The following SLC25A12 variants were observed in gnomAD, a reference collection of about 807,000 sequenced individuals.
SLC25A12 encodes electrogenic aspartate/glutamate antiporter SLC25A12, mitochondrial.
In SLC25A12, 32 loss-of-function variants were observed where a neutral mutation model predicts 83.3. The ratio of observed to expected loss-of-function variants is 0.38; its 90% CI spans 0.29 to 0.52. The LOEUF is 0.52. Among genes scored for constraint, SLC25A12 ranks in the 20% least tolerant of loss-of-function variants. The pLI is 0.84. For synonymous variants in SLC25A12, 267 were observed against 291.1 expected, an observed-to-expected ratio of 0.92 and a Z score of 0.84; for missense variants, 611 against 835.6, an observed-to-expected ratio of 0.73 and a Z score of 3.31.
rs184729533 is a variant in SLC25A12 at position 171,809,187 on chromosome 2, T to C, written c.1305+419A>G. On this transcript the variant is annotated intron_variant, in intron 13 of 17. Coordinates refer to ENST00000422440, the MANE Select transcript of SLC25A12 (RefSeq NM_003705.5). ...CATATGTGTGCATGTGTCTTTATAG[T>C]AGAATGATTTATAATCCTTTGGGTA... Among the ~76,000 whole-genome samples, 572 of 152,322 alleles carry C rather than the reference T, an allele frequency of 3.8e-3. 2 individuals carry two copies. Among genetic ancestry groups the C allele is most frequent in the African/African-American group, 0.013 (520 of 41,568 alleles).
chr2:171,829,241 C>A (rs1036704707), intron 8 of SLC25A12, among the ~76,000 whole-genome samples: 1 of 152,154 alleles, frequency 6.6e-6, no homozygotes, highest in Non-Finnish European at 1.5e-5. Flanking sequence ...AATTACAACA[C>A]CATCCTGCAA....
At chr2:171,799,932 T>G (rs1683675356) in intron 13 of SLC25A12, among the ~76,000 whole-genome samples, 1 of 152,222 alleles carries the variant, frequency 6.6e-6, no homozygotes, top group African/African-American at 2.4e-5. Context: ...AAAGAGGTAA[T>G]GCAGTCAGCT....
At chr2:171,818,324 C>A (rs975597219) in intron 9 of SLC25A12, among the ~76,000 whole-genome samples, 1 of 151,926 alleles carries the variant, frequency 6.6e-6, no homozygotes, top group Non-Finnish European at 1.5e-5. Flanking sequence ...TGATATTTAA[C>A]AAGGTTAATT....
At chr2:171,817,930 G>A (rs939895981) in intron 9 of SLC25A12, among the ~76,000 whole-genome samples, 1 of 152,132 alleles carries the variant, frequency 6.6e-6, no homozygotes, top group Non-Finnish European at 1.5e-5. Flanking sequence ...ATTATACTGT[G>A]CTTTAATTCT....
intron 2 of SLC25A12, among the ~76,000 whole-genome samples, chr2:171,886,841 T>C (rs1353315710): frequency 3.3e-5 from 5 of 152,232 alleles, no homozygotes; most frequent in Middle Eastern, 3.2e-3. Context: ...AATATTTTTA[T>C]TTCTCTGGGA....
intron 6 of SLC25A12, among the ~76,000 whole-genome samples, chr2:171,835,184 A>G (rs1446260918): frequency 6.6e-6 from 1 of 152,210 alleles, no homozygotes; most frequent in Non-Finnish European, 1.5e-5. Context: ...GATCTTCAAG[A>G]CCCTCAACTG....
intron 2 of SLC25A12, among the ~76,000 whole-genome samples, chr2:171,876,532 T>G (rs1014942904): frequency 1.2e-4 from 8 of 69,330 alleles, no homozygotes; most frequent in African/African-American, 1.6e-4. Flanking sequence ...GGGGTTTGGG[T>G]TTTTTTTTTT....
intron 3 of SLC25A12, among the ~76,000 whole-genome samples, chr2:171,866,361 C>T (rs1360930100): frequency 5.9e-5 from 8 of 135,124 alleles, no homozygotes; most frequent in East Asian, 2.5e-4. Flanking sequence ...ACCTCCCAGA[C>T]GGGGTGGTGG....
At chr2:171,836,981 C>T (rs1470046339) in intron 6 of SLC25A12, 140 bp downstream of exon 6, 1 of 739,372 alleles carries the variant, frequency 1.4e-6, no homozygotes, top group African/African-American at 1.7e-5. Flanking sequence ...CACACACACA[C>T]ACAAACCTGT....
intron 9 of SLC25A12, among the ~76,000 whole-genome samples, chr2:171,822,369 T>C (rs929165159): frequency 6.6e-6 from 1 of 152,186 alleles, no homozygotes; most frequent in South Asian, 2.1e-4. Flanking sequence ...CCTATAAAGA[T>C]GCATACTGCT....
intron 3 of SLC25A12, among the ~76,000 whole-genome samples, chr2:171,865,173 T>G (rs2105913397): frequency 6.6e-6 from 1 of 152,232 alleles, no homozygotes; most frequent in Non-Finnish European, 1.5e-5. Flanking sequence ...CAATACCTAT[T>G]GAATGAATGG....
chr2:171,831,625 G>C (rs1684433165), intron 8 of SLC25A12, among the ~76,000 whole-genome samples: 1 of 152,142 alleles, frequency 6.6e-6, no homozygotes, highest in African/African-American at 2.4e-5. Context: ...TGGGAAAGAG[G>C]CTGGGCCCAG....
At chr2:171,842,704 G>A (rs1684704452) in intron 5 of SLC25A12, among the ~76,000 whole-genome samples, 1 of 152,194 alleles carries the variant, frequency 6.6e-6, no homozygotes, top group African/African-American at 2.4e-5. Flanking sequence ...TCAGGGGAAA[G>A]CAGAAATAGA....
intron 3 of SLC25A12, among the ~76,000 whole-genome samples, chr2:171,867,316 AC>A (rs1324307290): frequency 6.6e-6 from 1 of 150,588 alleles, no homozygotes; most frequent in African/African-American, 2.4e-5. Context: ...AGCCGAGATC[AC>A]ACCACTGCAC....
At chr2:171,837,084 A>G in intron 6 of SLC25A12, 37 bp downstream of exon 6, 3 of 1,609,354 alleles carry the variant, frequency 1.9e-6, no homozygotes, top group Non-Finnish European at 2.6e-6. Context: ...AAAAGGTTTG[A>G]GGAAATAGAA....
At chr2:171,848,358 C>A in intron 4 of SLC25A12, 1 of 456,012 alleles carries the variant, frequency 2.2e-6, no homozygotes. Flanking sequence ...AGGATTCCAG[C>A]CCAGCAGGAG....
chr2:171,844,342 G>C (rs781609668), intron 5 of SLC25A12, 27 bp downstream of exon 5: 22 of 1,608,828 alleles, frequency 1.4e-5, no homozygotes, highest in Non-Finnish European at 1.3e-5. Context: ...AGTATATATT[G>C]ATACCTGTTA....
intron 11 of SLC25A12, among the ~76,000 whole-genome samples, chr2:171,810,521 G>C (rs1683926716): frequency 6.6e-6 from 1 of 152,188 alleles, no homozygotes; most frequent in South Asian, 2.1e-4. Context: ...TTAAAGCCTA[G>C]TTATCCAACA....
intron 4 of SLC25A12, 34 bp downstream of exon 4, chr2:171,855,800 T>C (rs1685033063): frequency 8.3e-7 from 1 of 1,206,514 alleles, no homozygotes; most frequent in Non-Finnish European, 1.2e-6. Context: ...CCAGCATCAT[T>C]AACTTATCAC....
Sources: gnomAD v4.1 joint callset for allele counts (sites outside exome capture counted in the v4.1 genomes callset) on GRCh38, gnomAD v4.1.1 for gene constraint, MANE v1.5 for transcripts, NCBI Gene and HGNC (gene_info 2026-07-23, HGNC 2026-07-21) for gene names.